Variants in ST6GAL2 observed in about 807,000 individuals in gnomAD.
ST6GAL2 encodes ST6 beta-galactoside alpha-2,6-sialyltransferase 2.
A neutral mutation model predicts 37.5 loss-of-function variants in ST6GAL2; 24 were observed. The observed-to-expected ratio is 0.64, with a 90% CI of 0.46 to 0.90. The LOEUF is 0.90. Ranked by LOEUF, ST6GAL2 falls within the 40% of genes least tolerant of loss-of-function variation. ST6GAL2 has a pLI of 0.00. For missense variants in ST6GAL2, 715 were observed against 712.7 expected, an observed-to-expected ratio of 1.00 and a Z score of -0.04; for synonymous variants, 306 against 295.1, an observed-to-expected ratio of 1.04 and a Z score of -0.38.
chr2:106,854,849 G>A (rs997439698), intron 1 of ST6GAL2, among the ~76,000 whole-genome samples: 4 of 148,536 alleles, frequency 2.7e-5, no homozygotes, highest in African/African-American at 9.9e-5. Context: ...ATTCTCTCAT[G>A]TTTTCATGTT....
intron 5 of ST6GAL2, among the ~76,000 whole-genome samples, chr2:106,812,843 T>G (rs1675660348): frequency 1.3e-5 from 2 of 152,218 alleles, no homozygotes; most frequent in African/African-American, 4.8e-5. Flanking sequence ...AGAATACAAA[T>G]CATCTAATAA....
intron 1 of ST6GAL2, among the ~76,000 whole-genome samples, chr2:106,862,822 G>A (rs1010440056): frequency 2.6e-5 from 4 of 152,142 alleles, no homozygotes; most frequent in Admixed American, 2.6e-4. Flanking sequence ...TTTCTAGACA[G>A]GGACAGGGCA....
intron 1 of ST6GAL2, among the ~76,000 whole-genome samples, chr2:106,876,991 A>T (rs528166726): frequency 7.2e-4 from 109 of 152,262 alleles, no homozygotes; most frequent in Non-Finnish European, 1.3e-3. Flanking sequence ...TTAGAGGAAA[A>T]AAAAGGTGGT....
chr2:106,870,023 C>T (rs551874548), intron 1 of ST6GAL2, among the ~76,000 whole-genome samples: 43 of 152,162 alleles, frequency 2.8e-4, no homozygotes, highest in Non-Finnish European at 4.9e-4. Context: ...ATGAAGGTGA[C>T]GTACCTGGGG....
At chr2:106,876,497 T>A (rs1230890676) in intron 1 of ST6GAL2, among the ~76,000 whole-genome samples, 2 of 152,214 alleles carry the variant, frequency 1.3e-5, no homozygotes, top group African/African-American at 4.8e-5. Context: ...AAAAGATAAA[T>A]TGTTTAAAAG....
intron 5 of ST6GAL2, among the ~76,000 whole-genome samples, chr2:106,827,499 G>A (rs1015759696): frequency 6.6e-6 from 1 of 152,108 alleles, no homozygotes; most frequent in Non-Finnish European, 1.5e-5. Flanking sequence ...ATTTAACAAC[G>A]CCAGACCACA....
At chr2:106,863,977 C>T (rs1226881393) in intron 1 of ST6GAL2, among the ~76,000 whole-genome samples, 1 of 152,160 alleles carries the variant, frequency 6.6e-6, no homozygotes, top group South Asian at 2.1e-4. Context: ...CTCACTGAAA[C>T]GAAATCTGGG....
In ST6GAL2 at chr2:106,843,502, C is replaced by A. The variant is rs754872937; in HGVS notation, c.476G>T (p.Arg159Leu). ...GFPSPGEPGP[R>L]EGAFPAAQVQ... is the part of the protein sequence containing the mutation. ...CTGTGCAGCCGGAAAAGCCCCCTCC[C>A]GTGGGCCTGGCTCCCCGGGGGAAGG... The change falls in exon 2 of 6, where the codon CGG (arginine) becomes CTG (leucine). Residue 159 changes from arginine to leucine, a missense_variant. Arg to Leu is a moderately radical substitution (Grantham distance 102, BLOSUM62 -2). Coordinates refer to ENST00000409382, the MANE Select transcript of ST6GAL2 (RefSeq NM_001142351.2). 1.2e-6 allele frequency: 2 copies of A among 1,614,060 alleles called. No individual in the cohort carries two copies. The highest frequency in any genetic ancestry group is 1.7e-6 in the Non-Finnish European group (2 of 1,180,014).
chr2:106,830,309 G>T (rs1676370441), intron 4 of ST6GAL2, 69 bp from the exon 5 acceptor site: 3 of 1,411,652 alleles, frequency 2.1e-6, no homozygotes, highest in African/African-American at 1.4e-5. Context: ...GGGCATGGCT[G>T]GTTGATTTGA....
intron 5 of ST6GAL2, among the ~76,000 whole-genome samples, chr2:106,820,250 T>A (rs140164325): frequency 6.6e-6 from 1 of 151,714 alleles, no homozygotes; most frequent in South Asian, 2.1e-4. Context: ...AAGAGACACA[T>A]AGACTGAAAA....
chr2:106,873,252 G>A (rs2104624961), intron 1 of ST6GAL2, among the ~76,000 whole-genome samples: 1 of 152,266 alleles, frequency 6.6e-6, no homozygotes, highest in Non-Finnish European at 1.5e-5. Context: ...GCAGCTTCCT[G>A]GGCTTTAAGC....
chr2:106,808,285 G>C (rs1036735594), intron 5 of ST6GAL2, among the ~76,000 whole-genome samples: 12 of 152,150 alleles, frequency 7.9e-5, no homozygotes, highest in Non-Finnish European at 1.5e-4. Context: ...GTGGACAAGG[G>C]GTAGAAGGAA....
rs746165286 is a variant in ST6GAL2, at chr2:106,806,649, A to G, written c.*29T>C. 2 of 1,605,144 alleles carry G rather than the reference A, an allele frequency of 1.2e-6. No individual in the cohort carries two copies. Among genetic ancestry groups the G allele is most frequent in the Non-Finnish European group, 1.7e-6 (2 of 1,174,424 alleles). On this transcript the variant is annotated 3_prime_UTR_variant, in exon 6 of 6. Transcript: ENST00000409382. ...ACTTTGAGTACAACAGTAGTACCTT[A>G]TTGCACATTGATTCCCAAGAAACCC...
chr2:106,838,004 C>T (rs890530753), intron 2 of ST6GAL2, among the ~76,000 whole-genome samples: 4 of 152,080 alleles, frequency 2.6e-5, no homozygotes, highest in South Asian at 2.1e-4. Context: ...CTGTGAGCAG[C>T]GTGGGGTTGG....
chr2:106,843,172 G>A lies in ST6GAL2; in HGVS notation c.806C>T (p.Ala269Val), dbSNP rs2104516408. The change falls in exon 2 of 6, where the codon GCG becomes GTG. Residue 269 changes from alanine (A) to valine (V), a missense_variant. This residue lies in a region of ST6GAL2 where 512 missense variants were observed against 488.8 expected (regional missense o/e 1.05). Coordinates refer to ENST00000409382, the MANE Select transcript of ST6GAL2 (RefSeq NM_001142351.2). ...CCGCCAGCCCAGCGCAGAAAAGGGC[G>A]CCTCGGTGCCGTCCAGCGTCCGCAC... ...ARVRTLDGTEAPFSALGWRRL... is the reference protein window; with the variant it reads ...ARVRTLDGTEVPFSALGWRRL... 1.3e-6 allele frequency: 2 copies of A among 1,554,302 alleles called. No homozygotes were observed. The highest frequency in any genetic ancestry group is 1.4e-5 in the African/African-American group (1 of 73,468).
At chr2:106,881,958 A>G (rs1009901527) in intron 1 of ST6GAL2, among the ~76,000 whole-genome samples, 23 of 152,172 alleles carry the variant, frequency 1.5e-4, no homozygotes, top group African/African-American at 5.3e-4. Context: ...CAGATGGATC[A>G]TTTTCTTGAA....
Position 106,830,263 on chromosome 2 carries a change from A to G in ST6GAL2, c.1144-23T>C, listed in dbSNP as rs561340077. 5 of 1,596,110 alleles carry G rather than the reference A, an allele frequency of 3.1e-6. No homozygotes were observed. In the South Asian group the frequency reaches 4.4e-5, roughly 14 times the overall value. ...CCACTAAGGAAAAAAAAATCAATGCAGTCAAGTAGAAAGAACTAAACTATG... is the reference window on the plus strand; with the variant it reads ...CCACTAAGGAAAAAAAAATCAATGCGGTCAAGTAGAAAGAACTAAACTATG... On this transcript the variant is annotated intron_variant, in intron 4 of 5. Coordinates refer to ENST00000409382, the MANE Select transcript of ST6GAL2 (RefSeq NM_001142351.2).
At chr2:106,850,387 G>T (rs1395939207) in intron 1 of ST6GAL2, among the ~76,000 whole-genome samples, 4 of 152,142 alleles carry the variant, frequency 2.6e-5, no homozygotes, top group Non-Finnish European at 5.9e-5. Flanking sequence ...ACAATGCAAA[G>T]AATGAAGACT....
At chr2:106,881,651 G>C (rs537330784) in intron 1 of ST6GAL2, among the ~76,000 whole-genome samples, 77 of 152,256 alleles carry the variant, frequency 5.1e-4, no homozygotes, top group African/African-American at 1.8e-3. Flanking sequence ...AGTCATTTTA[G>C]AAACCACAAT....
Sources: gnomAD v4.1 joint callset for allele counts (sites outside exome capture counted in the v4.1 genomes callset) on GRCh38, gnomAD v4.1.1 for gene constraint, gnomAD v4.1.1 regional missense constraint, MANE v1.5 for transcripts, NCBI Gene and HGNC (gene_info 2026-07-23, HGNC 2026-07-21) for gene names.